Variants in SLC43A3 observed in about 807,000 individuals in gnomAD.
SLC43A3 encodes equilibrative nucleobase transporter 1.
SLC43A3 carries 33 observed loss-of-function variants against 53.3 expected under a neutral mutation model. The ratio of observed to expected loss-of-function variants is 0.62; its 90% CI spans 0.47 to 0.83. The LOEUF (loss-of-function observed/expected upper bound fraction) is 0.83, where lower values mean the gene tolerates loss of function less well. Among genes scored for constraint, SLC43A3 ranks in the 40% least tolerant of loss-of-function variants. The pLI is 0.00. For missense variants in SLC43A3, 530 were observed against 610.0 expected, an observed-to-expected ratio of 0.87 and a Z score of 1.38; for synonymous variants, 236 against 246.2, an observed-to-expected ratio of 0.96 and a Z score of 0.39.
At chr11:57,420,479 G>A (rs865978938) in intron 7 of SLC43A3, among the ~76,000 whole-genome samples, 4 of 152,288 alleles carry the variant, frequency 2.6e-5, no homozygotes, top group Middle Eastern at 3.4e-3. Flanking sequence ...CAGAATGGTT[G>A]TTGATTGACC....
chr11:57,414,591 C>T (rs373710995), intron 11 of SLC43A3, 24 bp downstream of exon 11: 2 of 1,434,080 alleles, frequency 1.4e-6, no homozygotes, highest in Non-Finnish European at 2.0e-6. Context: ...CCCTGACCAG[C>T]CCCTGCCCTC....
intron 8 of SLC43A3, 95 bp from the exon 9 acceptor site, chr11:57,416,765 A>G (rs1565098377): frequency 3.2e-6 from 3 of 950,664 alleles, no homozygotes; most frequent in Non-Finnish European, 5.0e-6. Context: ...CCCACATTCC[A>G]CCGCACTTTG....
rs1942960553 is a variant in SLC43A3 at position 57,421,028 on chromosome 11, T to C, written c.475A>G (p.Ile159Val). 1 of 1,614,008 alleles carries C rather than the reference T, an allele frequency of 6.2e-7. No individual in the cohort carries two copies. Among genetic ancestry groups the C allele is most frequent in the East Asian group, 2.2e-5 (1 of 44,876 alleles). The change falls in exon 7 of 14, where the codon ATC (isoleucine) becomes GTC (valine). Residue 159 changes from isoleucine (I) to valine (V), a missense_variant. Ile to Val is a conservative substitution (Grantham distance 29). Around this residue, in one of 3 missense-constraint regions of SLC43A3, gnomAD observed 376 missense variants for 386.7 expected, o/e 0.97. Transcript: ENST00000395124. ...NLFGQHRSTI[I>V]TLYNGAFDSS... ...TCAAATGCTCCATTGTACAGAGTGATGATGGTCGAACGGTGTTGGCCAAAT... is the reference window on the plus strand; with the variant it reads ...TCAAATGCTCCATTGTACAGAGTGACGATGGTCGAACGGTGTTGGCCAAAT...
rs1381619237 is a variant in SLC43A3 at position 57,414,679 on chromosome 11, G to A, written c.996C>T (p.Ala332=). 4 of 1,613,916 alleles carry A rather than the reference G, an allele frequency of 2.5e-6. No homozygotes were observed. The African/African-American group carries it at 4.0e-5, about 16-fold the overall frequency. ...FAFTQFGVLC[A]PWNGLLMDRL... ...GGTCCATGAGCAGGCCATTCCAGGG[G>A]GCACACAGCACTCCGAACTGAGTGA... The change falls in exon 11 of 14, where the codon GCC becomes GCT. Residue 332 remains alanine (A), a synonymous_variant. Transcript: ENST00000395124.
intron 9 of SLC43A3, chr11:57,415,449 A>C (rs1434810997): frequency 7.7e-7 from 1 of 1,300,870 alleles, no homozygotes; most frequent in East Asian, 5.0e-5. Flanking sequence ...GAAAGTCAGA[A>C]GGGAGAGGAG....
rs12422015 is a variant in SLC43A3, at chr11:57,426,180, A to G, written c.-8T>C. On this transcript the variant is annotated 5_prime_UTR_variant, in exon 3 of 14. Coordinates refer to ENST00000395124, the MANE Select transcript of SLC43A3 (RefSeq NM_199329.3). The stretch of plus-strand genomic sequence containing the variant: ...CAGGCCCTGGCCCGCCATGAGCAGA[A>G]GTGGAGTGGATCTTCAAATCCCACT... 393,368 of 1,612,448 alleles carry G rather than the reference A, an allele frequency of 0.24. 49,249 individuals carry two copies. Among genetic ancestry groups the G allele is most frequent in the Non-Finnish European group, 0.25 (299,634 of 1,178,740 alleles).
At chr11:57,408,253 C>T (rs79090370) in intron 13 of SLC43A3, 5,057 of 202,380 alleles carry the variant, frequency 0.025, 288 homozygotes, top group African/African-American at 0.11. Flanking sequence ...TCAAGTCATT[C>T]GCCTCAGATT....
intron 5 of SLC43A3, among the ~76,000 whole-genome samples, chr11:57,421,921 G>C (rs1034168185): frequency 1.3e-5 from 2 of 152,230 alleles, no homozygotes; most frequent in African/African-American, 4.8e-5. Flanking sequence ...TTGGTGCCAG[G>C]CATTGTGCTT....
intron 11 of SLC43A3, 51 bp downstream of exon 11, chr11:57,414,564 G>T: frequency 6.8e-6 from 4 of 588,118 alleles, no homozygotes; most frequent in Non-Finnish European, 1.2e-5. Context: ...GGTAAATGAA[G>T]ACCTCCCTTC....
In SLC43A3 at chr11:57,407,039, A is replaced by T. The variant is rs906554796; in HGVS notation, c.*753T>A. 6.6e-6 allele frequency: 1 copy of T among 152,218 alleles called. No homozygotes were observed. Among genetic ancestry groups the T allele is most frequent in the Non-Finnish European group, 1.5e-5 (1 of 68,046 alleles). 9.4% of individuals were successfully genotyped at this position (152,218 alleles called of 1,614,324 possible). On this transcript the variant is annotated 3_prime_UTR_variant, in exon 14 of 14. Coordinates refer to ENST00000395124, the MANE Select transcript of SLC43A3 (RefSeq NM_199329.3). ...TAAATGCCCAAAGTAAATAACTTAT[A>T]TCCCTTCTTGAAAACATCCCCAAAG...
chr11:57,426,097 C>G lies in SLC43A3; in HGVS notation c.76G>C (p.Val26Leu), dbSNP rs760973618. 6.2e-7 allele frequency: 1 copy of G among 1,614,110 alleles called. No individual in the cohort carries two copies. Among genetic ancestry groups the G allele is most frequent in the East Asian group, 2.2e-5 (1 of 44,900 alleles). Residue 26 changes from valine to leucine, a missense_variant, in exon 3 of 14, where the codon GTC (valine) becomes CTC (leucine). By Grantham distance (32) the Val-to-Leu change is conservative. Coordinates refer to ENST00000395124, the MANE Select transcript of SLC43A3 (RefSeq NM_199329.3). ...GLLECLGFAG[V>L]LFGWPSLVFV... ...ACTAGTGAAGGCCAGCCAAAGAGGA[C>G]GCCAGCAAAGCCCAGGCATTCCAGC... is the stretch of plus-strand genomic sequence containing the variant.
In SLC43A3 at chr11:57,415,122, G is replaced by A. The variant is rs1284975462; in HGVS notation, c.770-16C>T. On this transcript the variant is annotated splice_polypyrimidine_tract_variant and intron_variant, in intron 9 of 13. Transcript: ENST00000395124. The stretch of plus-strand genomic sequence containing the variant: ...CCTGGGGTCTCTAATGGGGAGAGGA[G>A]GATCTGGGCGTGAATTACGAGGAAA... 4.4e-6 allele frequency: 7 copies of A among 1,597,184 alleles called. No homozygotes were observed. The highest frequency in any genetic ancestry group is 2.7e-5 in the African/African-American group (2 of 74,592).
chr11:57,425,101 G>T (rs1007648360), intron 4 of SLC43A3, among the ~76,000 whole-genome samples: 2 of 152,066 alleles, frequency 1.3e-5, no homozygotes, highest in Admixed American at 6.5e-5. Flanking sequence ...GGGGCGGGGA[G>T]GGGGGGCGGT....
At chr11:57,410,996 A>G (rs1267975125) in intron 11 of SLC43A3, among the ~76,000 whole-genome samples, 1 of 152,222 alleles carries the variant, frequency 6.6e-6, no homozygotes, top group African/African-American at 2.4e-5. Context: ...TGTAAGTCCA[A>G]TTAAACCTCT....
intron 5 of SLC43A3, 29 bp from the exon 6 acceptor site, chr11:57,421,402 G>C (rs758197112): frequency 1.9e-6 from 3 of 1,573,204 alleles, no homozygotes; most frequent in Non-Finnish European, 2.6e-6. Context: ...AGGTAGGGTG[G>C]TGTCATAGTG....
In SLC43A3 at chr11:57,414,605, C is replaced by A. The variant is rs149064116; in HGVS notation, c.1060+10G>T. ...TCCCTGACCAGCCCCTGCCCTCCCC[C>A]GCATCTCACCTGTCTTTCTTGCTTC... is the stretch of plus-strand genomic sequence containing the variant. On this transcript the variant is annotated intron_variant, in intron 11 of 13. Coordinates refer to ENST00000395124, the MANE Select transcript of SLC43A3 (RefSeq NM_199329.3). The A allele has an allele frequency of 1.3e-6, 2 of 1,573,488 alleles. No individual in the cohort carries two copies. The highest frequency in any genetic ancestry group is 1.7e-6 in the Non-Finnish European group (2 of 1,143,170).
chr11:57,424,614 A>T (rs1943127785), intron 4 of SLC43A3, among the ~76,000 whole-genome samples: 2 of 143,522 alleles, frequency 1.4e-5, no homozygotes, highest in South Asian at 4.4e-4. Flanking sequence ...GGCATGGAGT[A>T]AAAAAAAAAA....
At position 57,417,865 on chromosome 11, in the gene SLC43A3, C is replaced by T. The variant is rs754076982; in HGVS notation, c.554G>A (p.Ser185Asn). 6.2e-7 allele frequency: 1 copy of T among 1,614,144 alleles called. No individual in the cohort carries two copies. The highest frequency in any genetic ancestry group is 1.1e-5 in the South Asian group (1 of 91,080). ...IIKLLYEKGI[S>N]LRASFIFISV... ...GATGAAGATGAAGGAGGCCCTGAGG[C>T]TGATGCCTTTTTCATAAAGAAGCTG... The change falls in exon 8 of 14, where the codon AGC (serine) becomes AAC (asparagine). Residue 185 changes from serine (S) to asparagine (N), a missense_variant. Ser to Asn is a conservative substitution (Grantham distance 46). This residue lies in a region of SLC43A3 where 376 missense variants were observed against 386.7 expected (regional missense o/e 0.97). Coordinates refer to ENST00000395124, the MANE Select transcript of SLC43A3 (RefSeq NM_199329.3).
intron 12 of SLC43A3, 23 bp downstream of exon 12, chr11:57,409,912 G>A (rs1449387743): frequency 5.0e-6 from 8 of 1,590,044 alleles, no homozygotes; most frequent in Non-Finnish European, 6.8e-6. Flanking sequence ...CGTCTCCACA[G>A]AGCCCGCCCC....
Sources: allele counts gnomAD v4.1 joint callset (sites outside exome capture counted in the v4.1 genomes callset), GRCh38; gene constraint gnomAD v4.1.1; regional missense constraint gnomAD v4.1.1; transcripts MANE v1.5; gene names NCBI Gene and HGNC (gene_info 2026-07-23, HGNC 2026-07-21).